The following PIK3R4 variants were observed in gnomAD, a reference collection of about 807,000 sequenced individuals.
The protein encoded by PIK3R4 is phosphoinositide 3-kinase regulatory subunit 4.
In PIK3R4, 46 loss-of-function variants were observed where a neutral mutation model predicts 136.5. The observed-to-expected ratio is 0.34, with a 90% CI of 0.27 to 0.43. The LOEUF is 0.43. Among genes scored for constraint, PIK3R4 ranks in the 20% least tolerant of loss-of-function variants. The pLI is 1.00. For synonymous variants in PIK3R4, 557 were observed against 566.7 expected (o/e 0.98, Z 0.24); for missense variants, 1,331 against 1,649.5 (o/e 0.81, Z 3.35).
intron 4 of PIK3R4, among the ~76,000 whole-genome samples, chr3:130,731,391 C>T (rs2066759341): frequency 8.8e-6 from 1 of 113,866 alleles, no homozygotes; most frequent in Admixed American, 9.3e-5. Flanking sequence ...CACAATTATT[C>T]CCTTCATCCT....
intron 2 of PIK3R4, 57 bp from the exon 3 acceptor site, chr3:130,736,059 T>C (rs1248394066): frequency 9.2e-6 from 13 of 1,408,064 alleles, no homozygotes; most frequent in African/African-American, 1.4e-5. Flanking sequence ...TCATGCAATA[T>C]AGATTGAGAA....
intron 18 of PIK3R4, 34 bp downstream of exon 18, chr3:130,680,943 G>C: frequency 9.4e-7 from 1 of 1,061,330 alleles, no homozygotes; most frequent in Non-Finnish European, 1.4e-6. Flanking sequence ...GCTTGTAAAA[G>C]TATCCATTTT....
intron 15 of PIK3R4, among the ~76,000 whole-genome samples, chr3:130,685,578 A>C (rs1185252665): frequency 6.6e-6 from 1 of 152,204 alleles, no homozygotes; most frequent in Non-Finnish European, 1.5e-5. Flanking sequence ...GGATACACAA[A>C]TTGTTATCTA....
intron 19 of PIK3R4, among the ~76,000 whole-genome samples, 186 bp from the exon 20 acceptor site, chr3:130,679,671 T>A (rs1249462674): frequency 6.6e-6 from 1 of 152,218 alleles, no homozygotes; most frequent in Non-Finnish European, 1.5e-5. Context: ...AGGGTCCTAG[T>A]CATTGGATTT....
Position 130,716,407 on chromosome 3 carries a change from A to G in PIK3R4, c.2320T>C (p.Leu774=), listed in dbSNP as rs2107612496. 1 of 1,613,994 alleles carries G rather than the reference A, an allele frequency of 6.2e-7. No homozygotes were observed. The highest frequency in any genetic ancestry group is 1.3e-5 in the African/African-American group (1 of 75,072). The change falls in exon 9 of 20, where the codon TTG becomes CTG. Residue 774 remains leucine, a synonymous_variant. Transcript: ENST00000356763. The part of the protein sequence containing the change: ...DPAIAQLLKK[L]LSQGMTEEEE... ...AAGGGTGATACAACCTGTGAGAGCA[A>G]CTTCTTCAGAAGCTGTGCTATGGCA...
At position 130,679,068 on chromosome 3, in the gene PIK3R4, C is replaced by G. The variant is rs902764655; in HGVS notation, c.*247G>C. ...CATTTTCATATTTTACATTTCTCAC[C>G]TCTATAACATATACAATAAAAATCC... On this transcript the variant is annotated 3_prime_UTR_variant, in exon 20 of 20. Transcript: ENST00000356763. 3.9e-6 allele frequency: 1 copy of G among 254,236 alleles called. No homozygotes were observed. Among genetic ancestry groups the G allele is most frequent in the African/African-American group, 2.2e-5 (1 of 44,800 alleles). 15.7% of individuals were successfully genotyped at this position (254,236 alleles called of 1,614,324 possible).
chr3:130,684,715 GT>G (rs201612960), intron 15 of PIK3R4, among the ~76,000 whole-genome samples: 1,842 of 152,346 alleles, frequency 0.012, 53 homozygotes, highest in African/African-American at 0.041. Flanking sequence ...AATGAATTTG[GT>G]AAGTCAAAAT....
intron 8 of PIK3R4, 25 bp from the exon 9 acceptor site, chr3:130,716,624 C>CA (rs771728172): frequency 6.8e-7 from 1 of 1,463,446 alleles, no homozygotes; most frequent in South Asian, 1.2e-5. Context: ...TAAAAAGGAT[C>CA]AGCCAAAAAT....
rs77831499 is a variant in PIK3R4 at position 130,737,755 on chromosome 3, C to A, written c.734-1753G>T. Among the ~76,000 whole-genome samples the A allele has an allele frequency of 9.2e-3, 1,405 of 152,292 alleles. 20 individuals carry two copies. Among genetic ancestry groups the A allele is most frequent in the East Asian group, 0.053 (273 of 5,190 alleles). ...TACCTTAAACATGATCAGAACACTTCCATTAGCCTACATTTGGGCAAACAC... is the reference window on the plus strand; with the variant it reads ...TACCTTAAACATGATCAGAACACTTACATTAGCCTACATTTGGGCAAACAC... On this transcript the variant is annotated intron_variant, in intron 2 of 19. Transcript: ENST00000356763.
intron 2 of PIK3R4, among the ~76,000 whole-genome samples, chr3:130,742,312 T>C (rs1363639721): frequency 6.6e-6 from 1 of 152,234 alleles, no homozygotes; most frequent in Non-Finnish European, 1.5e-5. Context: ...TGTTGAAGTT[T>C]ACAAAACTAT....
intron 16 of PIK3R4, among the ~76,000 whole-genome samples, chr3:130,682,000 G>A (rs2066461626): frequency 6.6e-6 from 1 of 152,154 alleles, no homozygotes; most frequent in Admixed American, 6.6e-5. Context: ...TTTTCCATTT[G>A]CTGCTCTAAA....
chr3:130,681,085 G>A lies in PIK3R4; in HGVS notation c.3709-20C>T, dbSNP rs2066455428. 2 of 1,326,846 alleles carry A rather than the reference G, an allele frequency of 1.5e-6. No homozygotes were observed. The highest frequency in any genetic ancestry group is 2.2e-6 in the Non-Finnish European group (2 of 918,088). 82.2% of individuals were successfully genotyped at this position (1,326,846 alleles called of 1,614,324 possible). ...AGAAGGCTTAAAAGAAATAGATGTG[G>A]AGTCAAATAAAAGACATCCGTGTAT... On this transcript the variant is annotated intron_variant, in intron 17 of 19. Coordinates refer to ENST00000356763, the MANE Select transcript of PIK3R4 (RefSeq NM_014602.3).
At position 130,723,290 on chromosome 3, in the gene PIK3R4, C is replaced by A. The variant is rs72998235; in HGVS notation, c.1981+124G>T. ...ACACATACACACATGCACACCCACA[C>A]AATCAATAGTAGGAACCCCACACAA... On this transcript the variant is annotated intron_variant, in intron 7 of 19. Coordinates refer to ENST00000356763, the MANE Select transcript of PIK3R4 (RefSeq NM_014602.3). 3.1e-5 allele frequency: 24 copies of A among 783,050 alleles called. No individual in the cohort carries two copies. The East Asian group carries it at 6.4e-4, about 21-fold the overall frequency. The allele number at this position is 783,050 out of a possible 1,614,324, so 48.5% of individuals were successfully genotyped here.
At chr3:130,723,738 A>G in intron 6 of PIK3R4, 151 bp from the exon 7 acceptor site, 1 of 568,106 alleles carries the variant, frequency 1.8e-6, no homozygotes, top group South Asian at 3.0e-5. Context: ...ATAAAGTTAA[A>G]AAGACCCACA....
rs912062195 is a variant in PIK3R4 at position 130,697,649 on chromosome 3, A to C, written c.3098+6074T>G. Among the ~76,000 whole-genome samples the C allele has an allele frequency of 2.0e-5, 3 of 152,294 alleles. No individual in the cohort carries two copies. The East Asian group carries it at 5.8e-4, about 29-fold the overall frequency. ...TAATATGTCTCTTCCCTCCTCCCTC[A>C]TATGTATAACTATTGTCATACAAAT... On this transcript the variant is annotated intron_variant, in intron 13 of 19. Transcript: ENST00000356763.
Position 130,679,378 on chromosome 3 carries a change from G to A in PIK3R4, c.4014C>T (p.Phe1338=), listed in dbSNP as rs774953971. 7 of 1,613,248 alleles carry A rather than the reference G, an allele frequency of 4.3e-6. No individual in the cohort carries two copies. Among genetic ancestry groups the A allele is most frequent in the Non-Finnish European group, 5.1e-6 (6 of 1,179,304 alleles). ...TTACGATGAAGCCCTGTGTGGTCTG[G>A]AATGTGGCGACATCAGTGATGATGT... ...HHDIITDVAT[F]QTTQGFIVTA... is the part of the protein sequence containing the mutation. Residue 1338 remains phenylalanine (F), a synonymous_variant, in exon 20 of 20, where the codon TTC becomes TTT. Coordinates refer to ENST00000356763, the MANE Select transcript of PIK3R4 (RefSeq NM_014602.3).
At chr3:130,690,693 G>C in intron 13 of PIK3R4, 39 bp from the exon 14 acceptor site, 1 of 1,304,650 alleles carries the variant, frequency 7.7e-7, no homozygotes, top group African/African-American at 1.5e-5. Context: ...ATGAACCAAT[G>C]TCACTGCTAA....
intron 17 of PIK3R4, 82 bp from the exon 18 acceptor site, chr3:130,681,147 A>T: frequency 1.2e-6 from 1 of 827,600 alleles, no homozygotes; most frequent in East Asian, 2.5e-5. Context: ...AGGCAAGTTA[A>T]CTGTCAGTAG....
intron 2 of PIK3R4, among the ~76,000 whole-genome samples, chr3:130,740,470 C>T (rs573133517): frequency 1.5e-4 from 23 of 152,286 alleles, no homozygotes; most frequent in Non-Finnish European, 3.1e-4. Context: ...GGCACAGTGG[C>T]TCATACCTGT....
Sources: allele counts gnomAD v4.1 joint callset (sites outside exome capture counted in the v4.1 genomes callset), GRCh38; gene constraint gnomAD v4.1.1; transcripts MANE v1.5; gene names NCBI Gene and HGNC (gene_info 2026-07-23, HGNC 2026-07-21).